SLC16A11: variants seen among roughly 807,000 people sequenced by gnomAD.
SLC16A11 encodes solute carrier family 16 member 11.
Under a neutral mutation model 26.0 loss-of-function variants are expected in SLC16A11, and 24 were observed. The observed-to-expected ratio is 0.92, with a 90% CI of 0.67 to 1.30. The LOEUF is 1.30. Ranked by LOEUF, SLC16A11 falls within the 50% of genes most tolerant of loss-of-function variation. SLC16A11 has a pLI of 0.00. For missense variants in SLC16A11, 638 were observed against 597.7 expected, an observed-to-expected ratio of 1.07 and a Z score of -0.70; for synonymous variants, 332 against 296.0, an observed-to-expected ratio of 1.12 and a Z score of -1.25.
chr17:7,043,932 G>T lies in SLC16A11; in HGVS notation c.-164C>A, dbSNP rs1910889021. The T allele has an allele frequency of 4.0e-6, 1 of 248,716 alleles. No individual in the cohort carries two copies. The highest frequency in any genetic ancestry group is 7.7e-5 in the East Asian group (1 of 13,052). 15.4% of individuals were successfully genotyped at this position (248,716 alleles called of 1,614,324 possible). The stretch of plus-strand genomic sequence containing the variant: ...TCTCGGTAAACAGAGATCACCACAG[G>T]GGCCTGAGCCACCTGGGACGCGGGG... On this transcript the variant is annotated 5_prime_UTR_variant, in exon 1 of 5. Transcript: ENST00000574600.
Position 7,043,078 on chromosome 17 carries a change from A to C in SLC16A11, c.203-5T>G. The C allele has an allele frequency of 6.5e-7, 1 of 1,535,002 alleles. No individual in the cohort carries two copies. Among genetic ancestry groups the C allele is most frequent in the Non-Finnish European group, 8.8e-7 (1 of 1,140,782 alleles). Reference sequence around the variant, plus strand: ...TCAGGGCGCTGCCCACGGGGCCTGAAAGGGGGCGGAGTCAACGGAAGACAC... The same window carrying C: ...TCAGGGCGCTGCCCACGGGGCCTGACAGGGGGCGGAGTCAACGGAAGACAC... On this transcript the variant is annotated splice_region_variant and splice_polypyrimidine_tract_variant and intron_variant, in intron 2 of 4. Coordinates refer to ENST00000574600, the MANE Select transcript of SLC16A11 (RefSeq NM_001370549.1).
rs752097078 is a variant in SLC16A11 at position 7,042,464 on chromosome 17, T to G, written c.646A>C (p.Thr216Pro). The change falls in exon 4 of 5, where the codon ACA becomes CCA. Residue 216 changes from threonine to proline, a missense_variant. By Grantham distance (38) the Thr-to-Pro change is conservative. Coordinates refer to ENST00000574600, the MANE Select transcript of SLC16A11 (RefSeq NM_001370549.1). The surrounding 1 kb of genome is among the most constrained non-coding windows in gnomAD (Gnocchi z 5.9). ...PLAALGLSLFTRRAFSIFALG... is the reference protein window; with the variant it reads ...PLAALGLSLFPRRAFSIFALG... ...GCAAAGATTGAGAAGGCCCGGCGTG[T>G]GAACAGACTCAGGCCGAGGGCAGCT... The G allele has an allele frequency of 6.4e-7, 1 of 1,557,166 alleles. No homozygotes were observed. The highest frequency in any genetic ancestry group is 2.4e-5 in the East Asian group (1 of 41,834).
At position 7,042,881 on chromosome 17, in the gene SLC16A11, C is replaced by T; in HGVS notation, c.346+49G>A. On this transcript the variant is annotated intron_variant, in intron 3 of 4. Transcript: ENST00000574600. The surrounding 1 kb of genome is among the most constrained non-coding windows in gnomAD (Gnocchi z 5.9). ...TCGCTACCCCAGATCCCAACAAGCT[C>T]CTGTCACCTCCTTCACCCTGAATGA... is the stretch of plus-strand genomic sequence containing the variant. The T allele has an allele frequency of 6.2e-7, 1 of 1,610,880 alleles. No homozygotes were observed. The highest frequency in any genetic ancestry group is 1.1e-5 in the South Asian group (1 of 90,564).
chr17:7,043,175 TC>T (rs1315356176), intron 2 of SLC16A11, 102 bp from the exon 3 acceptor site: 5 of 1,459,532 alleles, frequency 3.4e-6, no homozygotes, highest in Non-Finnish European at 4.5e-6. Context: ...ATGGTTCTTC[TC>T]CTTGACCTCA....
At position 7,041,831 on chromosome 17, in the gene SLC16A11, T is replaced by C. The variant is rs1392252826; in HGVS notation, c.1192A>G (p.Ile398Val). 6.2e-7 allele frequency: 1 copy of C among 1,613,910 alleles called. No individual in the cohort carries two copies. The highest frequency in any genetic ancestry group is 1.1e-5 in the South Asian group (1 of 91,072). ...SGSLILSGSF[I>V]YIGLPRALPS... ...AGCGCCCTGGGCAACCCTATGTAGA[T>C]GAAGCTGCCGGAGAGGATCAAAGAA... The change falls in exon 5 of 5, where the codon ATC (isoleucine) becomes GTC (valine). Residue 398 changes from isoleucine (I) to valine (V), a missense_variant. Physicochemically the swap from Ile to Val is conservative, Grantham distance 29. Coordinates refer to ENST00000574600, the MANE Select transcript of SLC16A11 (RefSeq NM_001370549.1).
Position 7,043,326 on chromosome 17 carries a change from A to G in SLC16A11, c.188T>C (p.Val63Ala). The G allele has an allele frequency of 1.9e-6, 3 of 1,606,202 alleles. No homozygotes were observed. Among genetic ancestry groups the G allele is most frequent in the Non-Finnish European group, 2.5e-6 (3 of 1,177,668 alleles). ...GCCCCCCTCACTGGCTGCCTGCTGCACGGCCAGGGCCAGGGCGCTGATCCA... is the reference window on the plus strand; with the variant it reads ...GCCCCCCTCACTGGCTGCCTGCTGCGCGGCCAGGGCCAGGGCGCTGATCCA... Reference protein sequence around the residue: ...TAWISALALAVQQAASPVGSA... With the variant: ...TAWISALALAAQQAASPVGSA... Residue 63 changes from valine to alanine, a missense_variant, in exon 2 of 5, where the codon GTG becomes GCG. Coordinates refer to ENST00000574600, the MANE Select transcript of SLC16A11 (RefSeq NM_001370549.1).
intron 1 of SLC16A11, 116 bp downstream of exon 1, chr17:7,043,659 G>A (rs1282049596): frequency 1.4e-6 from 2 of 1,471,040 alleles, no homozygotes; most frequent in Non-Finnish European, 1.8e-6. Flanking sequence ...GGGGCGGAGG[G>A]AGCCGGAGCC....
chr17:7,042,141 C>T lies in SLC16A11; in HGVS notation c.969G>A (p.Val323=), dbSNP rs148775056. ...SWGGPLLAAA[V]AYGLSAGSYA... ...AACTCCCCGCGCTCAGCCCATAGGC[C>T]ACAGCCGCGGCCAGCAGGGGACCCC... The change falls in exon 4 of 5, where the codon GTG becomes GTA. Residue 323 remains valine (V), a synonymous_variant. Transcript: ENST00000574600. The surrounding 1 kb of genome is among the most constrained non-coding windows in gnomAD (Gnocchi z 5.9). 2.7e-3 allele frequency: 4,349 copies of T among 1,589,758 alleles called. 148 individuals are homozygous for T. The Admixed American group carries it at 0.064, about 23-fold the overall frequency.
rs1300486162 is a variant in SLC16A11, at chr17:7,043,944, C to T, written c.-176G>A. 4.5e-6 allele frequency: 1 copy of T among 222,290 alleles called. No individual in the cohort carries two copies. The allele number at this position is 222,290 out of a possible 1,614,324, so 13.8% of individuals were successfully genotyped here. A position where few individuals can be genotyped will look rare whatever the true frequency, so the allele number is the denominator to read the frequency against. ...GAGATCACCACAGGGGCCTGAGCCA[C>T]CTGGGACGCGGGGTGTACGGAGGGC... On this transcript the variant is annotated 5_prime_UTR_variant, in exon 1 of 5. It adds an upstream start codon to the 5' untranslated region. Coordinates refer to ENST00000574600, the MANE Select transcript of SLC16A11 (RefSeq NM_001370549.1).
In SLC16A11 at chr17:7,041,803, G is replaced by A. The variant is rs1426303403; in HGVS notation, c.1220C>T (p.Pro407Leu). ...FIYIGLPRAL[P>L]SCGPASPPAT... is the part of the protein sequence containing the mutation. ...TGGAGGGGAGGCTGGACCACAGGAG[G>A]GCAGCGCCCTGGGCAACCCTATGTA... is the stretch of plus-strand genomic sequence containing the variant. The change falls in exon 5 of 5, where the codon CCC (proline) becomes CTC (leucine). Residue 407 changes from proline (P) to leucine (L), a missense_variant. Pro to Leu is a moderately conservative substitution (Grantham distance 98). Transcript: ENST00000574600. 1 of 1,613,840 alleles carries A rather than the reference G, an allele frequency of 6.2e-7. No individual in the cohort carries two copies. The highest frequency in any genetic ancestry group is 1.7e-5 in the Admixed American group (1 of 60,012).
chr17:7,043,271 C>T (rs777475517), intron 2 of SLC16A11, 41 bp downstream of exon 2: 2 of 1,578,878 alleles, frequency 1.3e-6, no homozygotes, highest in Non-Finnish European at 1.7e-6. Flanking sequence ...CTCACGGCTC[C>T]TCCTCCCCGT....
chr17:7,042,762 G>A lies in SLC16A11; in HGVS notation c.348C>T (p.Gly116=). 6.5e-7 allele frequency: 1 copy of A among 1,537,562 alleles called. No individual in the cohort carries two copies. The highest frequency in any genetic ancestry group is 8.7e-7 in the Non-Finnish European group (1 of 1,144,102). ...HLYLGLGLLA[G]FGWALVFAPA... ...GGGCGAACACCAGGGCCCAACCAAAGCCTGCGAATGAATAGGAGGGGATGG... is the reference window on the plus strand; with the variant it reads ...GGGCGAACACCAGGGCCCAACCAAAACCTGCGAATGAATAGGAGGGGATGG... The change falls in exon 4 of 5, where the codon GGC becomes GGT. Residue 116 remains glycine (G), a splice_region_variant and synonymous_variant. Transcript: ENST00000574600. This position sits in a 1 kb window ranked among gnomAD's most constrained non-coding sequence, Gnocchi z 5.9.
rs1910893933 is a variant in SLC16A11, at chr17:7,044,076, G to C, written c.-308C>G. Among the ~76,000 whole-genome samples the C allele has an allele frequency of 6.6e-6, 1 of 152,062 alleles. No individual in the cohort carries two copies. The highest frequency in any genetic ancestry group is 2.1e-4 in the South Asian group (1 of 4,824). Reference sequence around the variant, plus strand: ...CACAACCCCCAGGCCCGGGGGAGGGGGGAGCGGCGAGAAATGAATGCAGAG... The same window carrying C: ...CACAACCCCCAGGCCCGGGGGAGGGCGGAGCGGCGAGAAATGAATGCAGAG... On this transcript the variant is annotated 5_prime_UTR_variant, in exon 1 of 5. Transcript: ENST00000574600.
Position 7,043,044 on chromosome 17 carries a change from A to T in SLC16A11, c.232T>A (p.Trp78Arg), listed in dbSNP as rs559690673. The change falls in exon 3 of 5, where the codon TGG becomes AGG. Residue 78 changes from tryptophan to arginine, a missense_variant. By Grantham distance (101) the Trp-to-Arg change is moderately radical (BLOSUM62 -3). Transcript: ENST00000574600. The stretch of plus-strand genomic sequence containing the variant: ...ACCATCACCACGGGGCGGGCCCCCC[A>T]GCGCGTGCTCAGGGCGCTGCCCACG... ...SPVGSALSTR[W>R]GARPVVMVGG... 6 of 1,569,904 alleles carry T rather than the reference A, an allele frequency of 3.8e-6. No homozygotes were observed. In the African/African-American group the frequency reaches 8.1e-5, roughly 21 times the overall value.
In SLC16A11 at chr17:7,041,730, T is replaced by G; in HGVS notation, c.1293A>C (p.Ala431=). 1 of 1,613,164 alleles carries G rather than the reference T, an allele frequency of 6.2e-7. No homozygotes were observed. Among genetic ancestry groups the G allele is most frequent in the African/African-American group, 1.3e-5 (1 of 74,986 alleles). Residue 431 remains alanine, a synonymous_variant, in exon 5 of 5, where the codon GCA becomes GCC. Coordinates refer to ENST00000574600, the MANE Select transcript of SLC16A11 (RefSeq NM_001370549.1). ...CAGGGCCTCCTGGGGACAGCAAGAC[T>G]GCCTGGGGAGCGGGAAGCAGCTCCC... ...ETGELLPAPQ[A]VLLSPGGPGS...
Position 7,043,937 on chromosome 17 carries a change from T to A in SLC16A11, c.-169A>T. ...GTAAACAGAGATCACCACAGGGGCC[T>A]GAGCCACCTGGGACGCGGGGTGTAC... On this transcript the variant is annotated 5_prime_UTR_variant, in exon 1 of 5. Transcript: ENST00000574600. 1 of 232,674 alleles carries A rather than the reference T, an allele frequency of 4.3e-6. No individual in the cohort carries two copies. Among genetic ancestry groups the A allele is most frequent in the Non-Finnish European group, 8.3e-6 (1 of 120,202 alleles). The allele number at this position is 232,674 out of a possible 1,614,324, so 14.4% of individuals were successfully genotyped here. A position where few individuals can be genotyped will look rare whatever the true frequency, so the allele number is the denominator to read the frequency against.
Position 7,042,756 on chromosome 17 carries a change from A to G in SLC16A11, c.354T>C (p.Gly118=), listed in dbSNP as rs770939180. The G allele has an allele frequency of 3.3e-6, 5 of 1,537,948 alleles. No individual in the cohort carries two copies. The South Asian group carries it at 3.6e-5, about 11-fold the overall frequency. Residue 118 remains glycine (G), a synonymous_variant, in exon 4 of 5, where the codon GGT becomes GGC. Coordinates refer to ENST00000574600, the MANE Select transcript of SLC16A11 (RefSeq NM_001370549.1). This position sits in a 1 kb window ranked among gnomAD's most constrained non-coding sequence, Gnocchi z 5.9. ...GGGCGGGGGCGAACACCAGGGCCCA[A>G]CCAAAGCCTGCGAATGAATAGGAGG... is the stretch of plus-strand genomic sequence containing the variant. ...YLGLGLLAGF[G]WALVFAPALG...
chr17:7,043,394 A>G lies in SLC16A11; in HGVS notation c.120T>C (p.Pro40=). The G allele has an allele frequency of 1.2e-6, 2 of 1,609,016 alleles. No homozygotes were observed. The highest frequency in any genetic ancestry group is 1.7e-6 in the Non-Finnish European group (2 of 1,179,540). Residue 40 remains proline (P), a synonymous_variant, in exon 2 of 5, where the codon CCT becomes CCC. Transcript: ENST00000574600. ...TTCGGTCAAAGTGCTCGGCAAGGTC[A>G]GGGAAGGCAAGGCCCAGCGAGCGCA... is the stretch of plus-strand genomic sequence containing the variant. The part of the protein sequence containing the change: ...GLLRSLGLAF[P]DLAEHFDRSA...
chr17:7,041,814 G>C lies in SLC16A11; in HGVS notation c.1209C>G (p.Pro403=). ...LSGSFIYIGL[P]RALPSCGPAS... ...CTGGACCACAGGAGGGCAGCGCCCT[G>C]GGCAACCCTATGTAGATGAAGCTGC... is the stretch of plus-strand genomic sequence containing the variant. The change falls in exon 5 of 5, where the codon CCC becomes CCG. Residue 403 remains proline, a synonymous_variant. Coordinates refer to ENST00000574600, the MANE Select transcript of SLC16A11 (RefSeq NM_001370549.1). The C allele has an allele frequency of 6.2e-7, 1 of 1,613,880 alleles. No individual in the cohort carries two copies. Among genetic ancestry groups the C allele is most frequent in the Non-Finnish European group, 8.5e-7 (1 of 1,179,950 alleles).
Sources: allele counts gnomAD v4.1 joint callset (sites outside exome capture counted in the v4.1 genomes callset), GRCh38; gene constraint gnomAD v4.1.1; non-coding constraint Gnocchi (gnomAD v3.1); transcripts MANE v1.5; gene names NCBI Gene and HGNC (gene_info 2026-07-23, HGNC 2026-07-21).